Variants in NT5C3A observed in about 807,000 individuals in gnomAD.
NT5C3A encodes the protein 5'-nucleotidase, cytosolic IIIA.
A neutral mutation model predicts 40.0 loss-of-function variants in NT5C3A; 23 were observed. That is an observed-to-expected ratio of 0.58 (90% CI 0.41 to 0.81). The LOEUF is 0.81. NT5C3A is among the 40% of genes least tolerant of loss of function. The pLI, the probability that NT5C3A is intolerant of heterozygous loss-of-function variation, is 0.00. For missense variants in NT5C3A, 328 were observed against 403.0 expected, an observed-to-expected ratio of 0.81 and a Z score of 1.59; for synonymous variants, 130 against 141.4, an observed-to-expected ratio of 0.92 and a Z score of 0.57.
At chr7:33,035,189 GTTT>G (rs35769309) in intron 1 of NT5C3A, among the ~76,000 whole-genome samples, 2 of 106,182 alleles carry the variant, frequency 1.9e-5, no homozygotes, top group Non-Finnish European at 3.5e-5. Context: ...TAAGGAATGA[GTTT>G]TTTTTTTTTT....
chr7:33,032,556 G>A (rs1003173920), intron 1 of NT5C3A, among the ~76,000 whole-genome samples: 11 of 143,336 alleles, frequency 7.7e-5, no homozygotes, highest in South Asian at 2.2e-4. Flanking sequence ...CCTGGGCTCA[G>A]GTGATCCCCC....
intron 1 of NT5C3A, among the ~76,000 whole-genome samples, chr7:33,044,531 A>T (rs1255950118): frequency 6.6e-6 from 1 of 152,220 alleles, no homozygotes; most frequent in East Asian, 1.9e-4. Flanking sequence ...TCATTGACAT[A>T]GAAACAGAAA....
intron 1 of NT5C3A, among the ~76,000 whole-genome samples, chr7:33,049,969 CA>C (rs61035673): frequency 0.12 from 6,901 of 58,510 alleles, 201 homozygotes; most frequent in South Asian, 0.22. Context: ...GACTCCATCT[CA>C]AAAAAAAAAA....
chr7:33,055,046 C>T (rs764716897), intron 1 of NT5C3A, among the ~76,000 whole-genome samples: 11 of 152,090 alleles, frequency 7.2e-5, no homozygotes, highest in Non-Finnish European at 8.8e-5. Context: ...TACATGCTAT[C>T]GGGCATGGTG....
At chr7:33,045,831 A>C (rs530446126) in intron 1 of NT5C3A, 2 of 152,078 alleles carry the variant, frequency 1.3e-5, no homozygotes, top group Non-Finnish European at 2.9e-5. Context: ...CCCAGGCTGT[A>C]GTACGGTGGC....
chr7:33,036,071 A>G (rs757427287), intron 1 of NT5C3A: 1 of 1,034,688 alleles, frequency 9.7e-7, no homozygotes, highest in Non-Finnish European at 1.5e-6. Context: ...TCTTCCTGTT[A>G]TGCCAATAAT....
At chr7:33,044,844 C>G (rs940764262) in intron 1 of NT5C3A, among the ~76,000 whole-genome samples, 15 of 152,018 alleles carry the variant, frequency 9.9e-5, no homozygotes, top group Non-Finnish European at 7.4e-5. Context: ...CACAGAAAAC[C>G]AAATATATGA....
chr7:33,024,128 T>C lies in NT5C3A; in HGVS notation c.238-20A>G, dbSNP rs1390173835. On this transcript the variant is annotated intron_variant, in intron 2 of 8. Coordinates refer to ENST00000610140, the MANE Select transcript of NT5C3A (RefSeq NM_001002010.5). ...TATTATCTGTAAGAAAAGAGTGAAA[T>C]GCATTATTGTAAACATAGCCCACAT... 1 of 1,435,414 alleles carries C rather than the reference T, an allele frequency of 7.0e-7. No individual in the cohort carries two copies. The highest frequency in any genetic ancestry group is 1.4e-5 in the African/African-American group (1 of 71,592). 88.9% of individuals were successfully genotyped at this position (1,435,414 alleles called of 1,614,324 possible).
intron 1 of NT5C3A, 121 bp from the exon 2 acceptor site, chr7:33,027,036 A>G (rs1309645207): frequency 9.1e-6 from 6 of 660,228 alleles, no homozygotes; most frequent in Middle Eastern, 3.3e-4. Context: ...ATTTTTAAAA[A>G]GCAAGCCACC....
At chr7:33,035,189 GT>G (rs35769309) in intron 1 of NT5C3A, among the ~76,000 whole-genome samples, 3,937 of 106,090 alleles carry the variant, frequency 0.037, 43 homozygotes, top group South Asian at 0.11. Flanking sequence ...TAAGGAATGA[GT>G]TTTTTTTTTT....
At chr7:33,048,162 T>G (rs941317495) in intron 1 of NT5C3A, among the ~76,000 whole-genome samples, 1 of 141,718 alleles carries the variant, frequency 7.1e-6, no homozygotes. Flanking sequence ...ATTTATAGTA[T>G]TGATACATTT....
intron 1 of NT5C3A, among the ~76,000 whole-genome samples, chr7:33,060,205 A>G (rs1176424071): frequency 6.6e-6 from 1 of 152,158 alleles, no homozygotes. Flanking sequence ...CTCCCGCCTC[A>G]GCCTCCAAAA....
chr7:33,026,813 TC>T lies in NT5C3A; in HGVS notation c.237+3del, dbSNP rs773998865. The T allele has an allele frequency of 6.3e-7, 1 of 1,589,914 alleles. No homozygotes were observed. The highest frequency in any genetic ancestry group is 1.1e-5 in the South Asian group (1 of 90,592). ...ACAGCCAAGGCTTCTTGATAATTATTCACCTGAAGTTTGGCAGCTCCTCCTT... is the reference window on the plus strand; with the variant it reads ...ACAGCCAAGGCTTCTTGATAATTATTACCTGAAGTTTGGCAGCTCCTCCTT... On this transcript the variant is annotated splice_donor_region_variant and intron_variant, in intron 2 of 8. Transcript: ENST00000610140.
rs72555722 is a variant in NT5C3A, at chr7:33,041,745, T to A, written c.139-14830A>T. On this transcript the variant is annotated intron_variant, in intron 1 of 8. Coordinates refer to ENST00000610140, the MANE Select transcript of NT5C3A (RefSeq NM_001002010.5). ...TCCAACTGTCATGAAGAAAAAAAAA[T>A]TTTTTTTTTTAAAAGAGAACTAGTC... is the stretch of plus-strand genomic sequence containing the variant. 3.0e-3 allele frequency among the ~76,000 whole-genome samples: 444 copies of A among 149,804 alleles called. 2 individuals carry two copies. The highest frequency in any genetic ancestry group is 9.6e-3 in the African/African-American group (391 of 40,892).
chr7:33,034,480 A>G (rs1164515697), intron 1 of NT5C3A, among the ~76,000 whole-genome samples: 1 of 152,256 alleles, frequency 6.6e-6, no homozygotes, highest in African/African-American at 2.4e-5. Flanking sequence ...TAAGTTTTAG[A>G]CTGGTTTAAT....
chr7:33,020,758 T>A lies in NT5C3A; in HGVS notation c.440+514A>T, dbSNP rs1300255791. Among the ~76,000 whole-genome samples the A allele has an allele frequency of 1.3e-4, 19 of 146,680 alleles. No homozygotes were observed. The Admixed American group carries it at 1.4e-3, about 11-fold the overall frequency. ...TCTGGTGGACTACTCTGACTCCTTT[T>A]AAGTTTGTCATGATCTATTTTTTTT... is the stretch of plus-strand genomic sequence containing the variant. On this transcript the variant is annotated intron_variant, in intron 5 of 8. Coordinates refer to ENST00000610140, the MANE Select transcript of NT5C3A (RefSeq NM_001002010.5).
intron 1 of NT5C3A, among the ~76,000 whole-genome samples, chr7:33,051,539 C>A (rs973645829): frequency 3.9e-5 from 6 of 152,112 alleles, no homozygotes; most frequent in African/African-American, 1.2e-4. Flanking sequence ...AACATTCAAA[C>A]TACTATGAAC....
chr7:33,044,897 C>T (rs1296677279), intron 1 of NT5C3A, among the ~76,000 whole-genome samples: 1 of 152,126 alleles, frequency 6.6e-6, no homozygotes, highest in Non-Finnish European at 1.5e-5. Flanking sequence ...AACATTGAGA[C>T]AGGGAAGTAA....
At chr7:33,028,994 G>GAA (rs1276293305) in intron 1 of NT5C3A, among the ~76,000 whole-genome samples, 24 of 146,058 alleles carry the variant, frequency 1.6e-4, no homozygotes, top group African/African-American at 5.8e-4. Context: ...GGCAGAGCTT[G>GAA]AAAAAAAAAA....
Sources: gnomAD v4.1 joint callset for allele counts (sites outside exome capture counted in the v4.1 genomes callset) on GRCh38, gnomAD v4.1.1 for gene constraint, MANE v1.5 for transcripts, NCBI Gene and HGNC (gene_info 2026-07-23, HGNC 2026-07-21) for gene names.